FMN1: variants seen among roughly 807,000 people sequenced by gnomAD.
The protein encoded by FMN1 is formin-1.
Under a neutral mutation model 132.4 loss-of-function variants are expected in FMN1, and 110 were observed. The observed-to-expected ratio is 0.83, with a 90% CI of 0.71 to 0.97. The LOEUF (loss-of-function observed/expected upper bound fraction) is 0.97. FMN1 is among the 50% of genes least tolerant of loss of function. The probability of loss-of-function intolerance (pLI) is 0.00; values close to 1 mark genes in which losing one functional copy is unlikely to be tolerated. For missense variants in FMN1, 1,792 were observed against 1,705.3 expected (o/e 1.05, Z -0.90); for synonymous variants, 722 against 651.7 (o/e 1.11, Z -1.64).
chr15:33,067,979 G>C, intron 5 of FMN1: 1 of 1,487,996 alleles, frequency 6.7e-7, no homozygotes, highest in Non-Finnish European at 8.9e-7. Flanking sequence ...TTACAGGACA[G>C]AGAGCAACAG....
intron 7 of FMN1, among the ~76,000 whole-genome samples, chr15:32,984,566 TAA>T (rs2032931352): frequency 3.9e-5 from 6 of 152,142 alleles, no homozygotes; most frequent in Non-Finnish European, 8.8e-5. Context: ...ACACTCTGAG[TAA>T]CAATGAAGGA....
At chr15:32,821,774 A>G (rs919956331) in intron 17 of FMN1, among the ~76,000 whole-genome samples, 5 of 152,028 alleles carry the variant, frequency 3.3e-5, no homozygotes, top group Non-Finnish European at 5.9e-5. Context: ...AACACCCATT[A>G]TACCTGTGAT....
chr15:33,126,007 A>T (rs868565804), intron 4 of FMN1, among the ~76,000 whole-genome samples: 1 of 124,044 alleles, frequency 8.1e-6, no homozygotes, highest in Non-Finnish European at 1.5e-5. Context: ...AAATCTACAC[A>T]TGAGATAACA....
chr15:33,161,786 C>T (rs149167793), intron 3 of FMN1, among the ~76,000 whole-genome samples: 52 of 151,856 alleles, frequency 3.4e-4, no homozygotes, highest in African/African-American at 9.9e-4. Context: ...GGTGTGGTGG[C>T]GAGCACCTGT....
chr15:32,960,924 G>A (rs1023368756), intron 9 of FMN1, among the ~76,000 whole-genome samples: 4 of 136,824 alleles, frequency 2.9e-5, no homozygotes, highest in Admixed American at 1.6e-4. Flanking sequence ...GAACCCCAGA[G>A]GCAGAGGTTG....
chr15:33,153,708 T>G lies in FMN1; in HGVS notation c.1207A>C (p.Thr403Pro). The G allele has an allele frequency of 6.5e-7, 1 of 1,536,332 alleles. No homozygotes were observed. The change falls in exon 4 of 21, where the codon ACA (threonine) becomes CCA (proline). Residue 403 changes from threonine (T) to proline (P), a missense_variant. Thr to Pro is a conservative substitution (Grantham distance 38, BLOSUM62 -1). Around this residue, in one of 3 missense-constraint regions of FMN1, gnomAD observed 638 missense variants for 645.2 expected, o/e 0.99. Coordinates refer to ENST00000616417, the MANE Select transcript of FMN1 (RefSeq NM_001277313.2). ...DRSSQSPAGE[T>P]ASISSVSASA... ...GCCGACACACTAGAAATGGAGGCTGTTTCCCCGGCTGGCGACTGCGATGAC... is the reference window on the plus strand; with the variant it reads ...GCCGACACACTAGAAATGGAGGCTGGTTCCCCGGCTGGCGACTGCGATGAC...
At chr15:32,785,436 T>C (rs1208391132) in intron 19 of FMN1, among the ~76,000 whole-genome samples, 1 of 151,512 alleles carries the variant, frequency 6.6e-6, no homozygotes, top group Admixed American at 6.6e-5. Context: ...TCTCAAATCA[T>C]GGTTCAGGTT....
rs143068362 is a variant in FMN1 at position 33,055,635 on chromosome 15, C to T, written c.2161+9322G>A. 4.8e-3 allele frequency among the ~76,000 whole-genome samples: 724 copies of T among 150,726 alleles called. 9 individuals carry two copies. The highest frequency in any genetic ancestry group is 0.017 in the African/African-American group (689 of 41,142). On this transcript the variant is annotated intron_variant, in intron 6 of 20. Coordinates refer to ENST00000616417, the MANE Select transcript of FMN1 (RefSeq NM_001277313.2). ...AAAAAAAAACAAACAAAAAAATCAA[C>T]GCCCAGAATATTGCAGGTCTAAATG...
Position 32,792,476 on chromosome 15 carries a change from C to A in FMN1, c.4130+6328G>T, listed in dbSNP as rs75720653. Among the ~76,000 whole-genome samples, 6 of 145,310 alleles carry A rather than the reference C, an allele frequency of 4.1e-5. No homozygotes were observed. In the South Asian group the frequency reaches 6.6e-4, roughly 16 times the overall value. On this transcript the variant is annotated intron_variant, in intron 19 of 20. Transcript: ENST00000616417. The stretch of plus-strand genomic sequence containing the variant: ...AAATAAAACAAACAAACAAAAAAAA[C>A]CCAAAAAAACTAGCAGTGGCAAAGA...
chr15:33,024,276 T>TCG (rs2035566366), intron 6 of FMN1, among the ~76,000 whole-genome samples: 1 of 128,336 alleles, frequency 7.8e-6, no homozygotes, highest in African/African-American at 2.9e-5. Context: ...ATGTGGAGTC[T>TCG]CGCTCTGTCG....
At chr15:33,089,631 A>G (rs2038834291) in intron 4 of FMN1, among the ~76,000 whole-genome samples, 1 of 152,218 alleles carries the variant, frequency 6.6e-6, no homozygotes, top group Non-Finnish European at 1.5e-5. Context: ...TTTTATGACA[A>G]CATATAGTTA....
chr15:32,830,670 G>A (rs1200185743), intron 17 of FMN1, among the ~76,000 whole-genome samples: 1 of 152,100 alleles, frequency 6.6e-6, no homozygotes, highest in Non-Finnish European at 1.5e-5. Flanking sequence ...AAAATTGAAA[G>A]AAGTGCCACA....
chr15:33,088,587 G>A (rs1424383962), intron 5 of FMN1, among the ~76,000 whole-genome samples: 1 of 152,174 alleles, frequency 6.6e-6, no homozygotes, highest in Non-Finnish European at 1.5e-5. Context: ...GACAAACACA[G>A]TCACTTCCAG....
intron 6 of FMN1, among the ~76,000 whole-genome samples, chr15:33,015,315 A>G (rs1187601952): frequency 6.6e-6 from 1 of 152,166 alleles, no homozygotes; most frequent in African/African-American, 2.4e-5. Flanking sequence ...GGGAATGCTA[A>G]TTTTAATCAC....
intron 3 of FMN1, among the ~76,000 whole-genome samples, chr15:33,173,905 G>A (rs1965421687): frequency 6.6e-6 from 1 of 151,902 alleles, no homozygotes; most frequent in Non-Finnish European, 1.5e-5. Context: ...CTCCAGCCTG[G>A]GCAGCAAGCC....
At chr15:32,783,254 G>C (rs74011965) in intron 19 of FMN1, among the ~76,000 whole-genome samples, 1,814 of 152,286 alleles carry the variant, frequency 0.012, 32 homozygotes, top group African/African-American at 0.041. Flanking sequence ...ATTCTCAATT[G>C]ATAAACGTCT....
At chr15:32,968,692 A>G (rs775108656) in intron 8 of FMN1, 22 bp downstream of exon 8, 3 of 1,611,886 alleles carry the variant, frequency 1.9e-6, no homozygotes, top group African/African-American at 1.3e-5. Context: ...ACATGCTGAG[A>G]ATGGGATAGG....
At chr15:33,000,449 A>AG (rs1227241630) in intron 7 of FMN1, among the ~76,000 whole-genome samples, 2 of 50,846 alleles carry the variant, frequency 3.9e-5, no homozygotes, top group African/African-American at 9.9e-5. Context: ...ACTCCATCTC[A>AG]GGAAAAAAAA....
Position 33,094,459 on chromosome 15 carries a change from A to C in FMN1, c.1868-5485T>G, listed in dbSNP as rs758731967. 5.9e-5 allele frequency among the ~76,000 whole-genome samples: 9 copies of C among 152,348 alleles called. No individual in the cohort carries two copies. The South Asian group carries it at 6.2e-4, about 11-fold the overall frequency. On this transcript the variant is annotated intron_variant, in intron 4 of 20. Coordinates refer to ENST00000616417, the MANE Select transcript of FMN1 (RefSeq NM_001277313.2). Reference sequence around the variant, plus strand: ...GATAAGGAGAATAACAATAAAGCTTATAAGAATTCAGTTGCACTGCAGTGC... The same window carrying C: ...GATAAGGAGAATAACAATAAAGCTTCTAAGAATTCAGTTGCACTGCAGTGC...
Sources: gnomAD v4.1 joint callset for allele counts (sites outside exome capture counted in the v4.1 genomes callset) on GRCh38, gnomAD v4.1.1 for gene constraint, gnomAD v4.1.1 regional missense constraint, MANE v1.5 for transcripts, NCBI Gene and HGNC (gene_info 2026-07-23, HGNC 2026-07-21) for gene names.